Variants in TDRP observed in about 807,000 individuals in gnomAD.
The protein encoded by TDRP is testis development related protein.
In TDRP, 12 loss-of-function variants were observed where a neutral mutation model predicts 10.5. The ratio of observed to expected loss-of-function variants is 1.15; its 90% CI spans 0.73 to 1.86. The LOEUF (loss-of-function observed/expected upper bound fraction) is 1.86. Ranked by LOEUF, TDRP falls within the 40% of genes most tolerant of loss-of-function variation. The pLI, the probability that TDRP is intolerant of heterozygous loss-of-function variation, is 0.00. For missense variants in TDRP, 353 were observed against 229.2 expected, an observed-to-expected ratio of 1.54 and a Z score of -3.49; for synonymous variants, 139 against 95.4, an observed-to-expected ratio of 1.46 and a Z score of -2.67.
At position 543,811 on chromosome 8, in the gene TDRP, C is replaced by G. The variant is rs183628022; in HGVS notation, c.108+839G>C. On this transcript the variant is annotated intron_variant, in intron 1 of 2. Transcript: ENST00000324079. The stretch of plus-strand genomic sequence containing the variant: ...CTTATATTCCATTCGGCCTTAACAG[C>G]ATCAGGAGGAAGTTGCCACACGTTT... 4.0e-4 allele frequency among the ~76,000 whole-genome samples: 61 copies of G among 152,084 alleles called. 1 individual carries two copies. The highest frequency in any genetic ancestry group is 1.4e-3 in the African/African-American group (58 of 41,466).
chr8:514,912 T>G (rs1801717321), intron 1 of TDRP, among the ~76,000 whole-genome samples: 1 of 152,166 alleles, frequency 6.6e-6, no homozygotes, highest in African/African-American at 2.4e-5. Context: ...ATTAAGATTC[T>G]CACTTTCTCA....
At chr8:526,620 A>G (rs1238026150) in intron 1 of TDRP, among the ~76,000 whole-genome samples, 1 of 152,098 alleles carries the variant, frequency 6.6e-6, no homozygotes, top group Non-Finnish European at 1.5e-5. Context: ...TTTAATTGAG[A>G]ATTTTTACAT....
intron 1 of TDRP, among the ~76,000 whole-genome samples, chr8:523,763 G>A (rs1326364846): frequency 1.3e-5 from 2 of 152,258 alleles, no homozygotes; most frequent in African/African-American, 4.8e-5. Context: ...TGGCTGGAGT[G>A]CCAGCTAGGC....
chr8:506,908 A>G (rs1472823979), intron 1 of TDRP, among the ~76,000 whole-genome samples: 3 of 152,164 alleles, frequency 2.0e-5, no homozygotes, highest in East Asian at 1.9e-4. Context: ...GGTGAAGTGC[A>G]ATGGGGAGGT....
At chr8:527,581 G>C (rs1252299626) in intron 1 of TDRP, among the ~76,000 whole-genome samples, 8 of 151,910 alleles carry the variant, frequency 5.3e-5, no homozygotes, top group African/African-American at 1.7e-4. Flanking sequence ...AAAGAGAATA[G>C]AGAACCCAGA....
chr8:538,725 G>C (rs1651014112), intron 1 of TDRP, among the ~76,000 whole-genome samples: 1 of 152,186 alleles, frequency 6.6e-6, no homozygotes, highest in Non-Finnish European at 1.5e-5. Flanking sequence ...TGGGGGAGAA[G>C]TCTTTAGAAG....
intron 1 of TDRP, among the ~76,000 whole-genome samples, chr8:521,921 G>T (rs1016985840): frequency 2.6e-5 from 4 of 151,976 alleles, no homozygotes; most frequent in Non-Finnish European, 4.4e-5. Flanking sequence ...TATTTTTTCA[G>T]TCTTTCACCT....
chr8:492,872 GAA>G lies in TDRP; in HGVS notation c.213-130_213-129del, dbSNP rs1331060038. The stretch of plus-strand genomic sequence containing the variant: ...TTAGAAAACTAACACAAGTCTATAT[GAA>G]AAGTTTCAAATATTAAAATTAAGGA... On this transcript the variant is annotated intron_variant, in intron 2 of 2. Transcript: ENST00000324079. 3 of 750,882 alleles carry G rather than the reference GAA, an allele frequency of 4.0e-6. No homozygotes were observed. In the African/African-American group the frequency reaches 5.4e-5, roughly 13 times the overall value. The allele number at this position is 750,882 out of a possible 1,614,324, so 46.5% of individuals were successfully genotyped here.
chr8:526,384 G>C (rs557645619), intron 1 of TDRP, among the ~76,000 whole-genome samples: 2 of 152,240 alleles, frequency 1.3e-5, no homozygotes, highest in Admixed American at 1.3e-4. Flanking sequence ...GTGGAGTTAT[G>C]TTCCTTCTAT....
intron 1 of TDRP, among the ~76,000 whole-genome samples, chr8:518,271 A>C (rs767006632): frequency 2.0e-5 from 3 of 152,206 alleles, no homozygotes; most frequent in African/African-American, 2.4e-5. Context: ...TTTTGCTGTG[A>C]ACTTGAAACT....
upstream of TDRP, among the ~76,000 whole-genome samples, chr8:545,388 C>A (rs1416045147): frequency 2.6e-5 from 3 of 115,910 alleles, no homozygotes; most frequent in African/African-American, 9.6e-5. Flanking sequence ...CCCGCAAATT[C>A]CCCTCTCCCG....
At chr8:535,001 G>A (rs1290134964) in intron 1 of TDRP, among the ~76,000 whole-genome samples, 2 of 152,128 alleles carry the variant, frequency 1.3e-5, no homozygotes, top group African/African-American at 4.8e-5. Flanking sequence ...TCCATTCTCT[G>A]CCCACAACAG....
chr8:526,127 GA>G lies in TDRP; in HGVS notation c.108+18522del, dbSNP rs1802028689. Among the ~76,000 whole-genome samples, 10 of 152,210 alleles carry G rather than the reference GA, an allele frequency of 6.6e-5. No homozygotes were observed. In the South Asian group the frequency reaches 2.1e-3, roughly 32 times the overall value. On this transcript the variant is annotated intron_variant, in intron 1 of 2. Transcript: ENST00000324079. The stretch of plus-strand genomic sequence containing the variant: ...AGTGAGTAGCCTTTAGTGAGCCTTT[GA>G]ATTTCTGCAGTATTTGTTGTAGCCA...
intron 2 of TDRP, 147 bp from the exon 3 acceptor site, chr8:492,891 A>C: frequency 1.4e-6 from 1 of 708,264 alleles, no homozygotes. Flanking sequence ...CAAATATTAA[A>C]ATTAAGGAAA....
chr8:518,329 G>A (rs1205355393), intron 1 of TDRP, among the ~76,000 whole-genome samples: 1 of 152,052 alleles, frequency 6.6e-6, no homozygotes, highest in Non-Finnish European at 1.5e-5. Context: ...AACAATAACT[G>A]GCTCAATAAC....
intron 1 of TDRP, among the ~76,000 whole-genome samples, chr8:500,327 G>C (rs1801252800): frequency 6.6e-6 from 1 of 152,194 alleles, no homozygotes. Flanking sequence ...AAAATGTGCA[G>C]AGAGGCCAGG....
chr8:499,132 T>C (rs559369806), intron 1 of TDRP, among the ~76,000 whole-genome samples: 3 of 152,322 alleles, frequency 2.0e-5, no homozygotes, highest in Non-Finnish European at 4.4e-5. Flanking sequence ...ATGAGAATTA[T>C]TGAAATATAA....
intron 1 of TDRP, among the ~76,000 whole-genome samples, chr8:506,315 G>A (rs988718248): frequency 6.6e-6 from 1 of 152,170 alleles, no homozygotes; most frequent in East Asian, 1.9e-4. Flanking sequence ...CAGCTCGGCA[G>A]CGGGGGGAGG....
chr8:498,151 G>C (rs1362257855), intron 1 of TDRP, among the ~76,000 whole-genome samples: 1 of 152,180 alleles, frequency 6.6e-6, no homozygotes, highest in Non-Finnish European at 1.5e-5. Context: ...AGAGCTGTGA[G>C]AAGAGGGCCA....
Sources: gnomAD v4.1 joint callset for allele counts (sites outside exome capture counted in the v4.1 genomes callset) on GRCh38, gnomAD v4.1.1 for gene constraint, MANE v1.5 for transcripts, NCBI Gene and HGNC (gene_info 2026-07-23, HGNC 2026-07-21) for gene names.